Variants in ADAMTS8 observed in about 807,000 individuals in gnomAD.
ADAMTS8 encodes ADAM metallopeptidase with thrombospondin type 1 motif 8, also known as A disintegrin and metalloproteinase with thrombospondin motifs 8.
In ADAMTS8, 50 loss-of-function variants were observed where a neutral mutation model predicts 64.4. The observed-to-expected ratio is 0.78, with a 90% CI of 0.62 to 0.98. ADAMTS8 has a LOEUF of 0.98. ADAMTS8 is among the 50% of genes least tolerant of loss of function. The probability of loss-of-function intolerance (pLI) is 0.00; values close to 1 mark genes in which losing one functional copy is unlikely to be tolerated. For synonymous variants in ADAMTS8, 556 were observed against 533.6 expected, an observed-to-expected ratio of 1.04 and a Z score of -0.58; for missense variants, 1,192 against 1,208.2, an observed-to-expected ratio of 0.99 and a Z score of 0.20.
In ADAMTS8 at chr11:130,405,260, C is replaced by G. The variant is rs540996572; in HGVS notation, c.*298G>C. The G allele has an allele frequency of 7.6e-6, 9 of 1,180,960 alleles. No individual in the cohort carries two copies. In the South Asian group the frequency reaches 3.2e-4, roughly 42 times the overall value. The allele number at this position is 1,180,960 out of a possible 1,614,324, so 73.2% of individuals were successfully genotyped here. ...TGCTAGTCCTTTGCAAACAGACTGA[C>G]GCTGAGTGTCCTGTCTGAGTCAATA... On this transcript the variant is annotated 3_prime_UTR_variant, in exon 9 of 9. Transcript: ENST00000257359.
chr11:130,422,978 A>G (rs2134690456), intron 1 of ADAMTS8, among the ~76,000 whole-genome samples: 1 of 152,370 alleles, frequency 6.6e-6, no homozygotes, highest in South Asian at 2.1e-4. Context: ...TCCTCAAGAC[A>G]AGGCTAGGAC....
chr11:130,417,591 T>C (rs1484542180), intron 2 of ADAMTS8, among the ~76,000 whole-genome samples: 1 of 151,844 alleles, frequency 6.6e-6, no homozygotes, highest in Non-Finnish European at 1.5e-5. Flanking sequence ...CTGGCTATGT[T>C]GCCCAGGCTG....
Position 130,428,358 on chromosome 11 carries a change from G to A in ADAMTS8, c.-72C>T. On this transcript the variant is annotated 5_prime_UTR_variant, in exon 1 of 9. Transcript: ENST00000257359. The stretch of plus-strand genomic sequence containing the variant: ...AGGCGCGGGCAGGTGCTGGCGGCCC[G>A]AGCGCGGCCCGGCCGCTCTCTCCAG... 2.4e-6 allele frequency: 3 copies of A among 1,235,078 alleles called. No homozygotes were observed. The highest frequency in any genetic ancestry group is 3.1e-6 in the Non-Finnish European group (3 of 977,644). The allele number at this position is 1,235,078 out of a possible 1,614,324, so 76.5% of individuals were successfully genotyped here.
chr11:130,423,833 G>A (rs927074472), intron 1 of ADAMTS8, among the ~76,000 whole-genome samples: 3 of 152,216 alleles, frequency 2.0e-5, no homozygotes, highest in African/African-American at 4.8e-5. Context: ...GCAGCTGGAC[G>A]TAGACAGAGC....
At position 130,419,118 on chromosome 11, in the gene ADAMTS8, G is replaced by A. The variant is rs771957682; in HGVS notation, c.895C>T (p.Arg299Cys). Residue 299 changes from arginine to cysteine, a missense_variant, in exon 2 of 9, where the codon CGT (arginine) becomes TGT (cysteine). Physicochemically the swap from Arg to Cys is radical, Grantham distance 180. Coordinates refer to ENST00000257359, the MANE Select transcript of ADAMTS8 (RefSeq NM_007037.6). ...TLRNFCNWQR[R>C]FNQPSDRHPE... ...TGGCGGTCGCTGGGCTGGTTGAAACGCCGCTGCCAGTTGCAGAAGTTACGC... is the reference window on the plus strand; with the variant it reads ...TGGCGGTCGCTGGGCTGGTTGAAACACCGCTGCCAGTTGCAGAAGTTACGC... 4.1e-5 allele frequency: 66 copies of A among 1,614,068 alleles called. No individual in the cohort carries two copies. Among genetic ancestry groups the A allele is most frequent in the Middle Eastern group, 1.6e-4 (1 of 6,084 alleles).
At chr11:130,414,122 C>CTTTTT (rs143297278) in intron 5 of ADAMTS8, among the ~76,000 whole-genome samples, 17 of 129,748 alleles carry the variant, frequency 1.3e-4, no homozygotes, top group East Asian at 2.2e-4. Flanking sequence ...AGTTTCTTTT[C>CTTTTT]TTTTTTTTTT....
Position 130,428,122 on chromosome 11 carries a change from G to A in ADAMTS8, c.165C>T (p.Leu55=). The change falls in exon 1 of 9, where the codon CTC becomes CTT. Residue 55 remains leucine, a synonymous_variant. Coordinates refer to ENST00000257359, the MANE Select transcript of ADAMTS8 (RefSeq NM_007037.6). The part of the protein sequence containing the change: ...RLPGSAGELA[L]HLSAFGKGFV... ...AGCCCTTGCCGAAGGCGGACAGGTG[G>A]AGCGCGAGCTCGCCCGCGCTGCCGG... 6.6e-7 allele frequency: 1 copy of A among 1,514,384 alleles called. No individual in the cohort carries two copies. Among genetic ancestry groups the A allele is most frequent in the Non-Finnish European group, 8.8e-7 (1 of 1,140,614 alleles). 93.8% of individuals were successfully genotyped at this position (1,514,384 alleles called of 1,614,324 possible).
At position 130,417,159 on chromosome 11, in the gene ADAMTS8, G is replaced by A. The variant is rs1282295875; in HGVS notation, c.961-84C>T. The A allele has an allele frequency of 7.0e-6, 11 of 1,573,048 alleles. No homozygotes were observed. The Admixed American group carries it at 8.4e-5, about 12-fold the overall frequency. On this transcript the variant is annotated intron_variant, in intron 2 of 8. Coordinates refer to ENST00000257359, the MANE Select transcript of ADAMTS8 (RefSeq NM_007037.6). ...GCCTGCAGGGCCGGGTGTGGCCAGCGTGCACGTGGGAGTGGACCACTGAGC... is the reference window on the plus strand; with the variant it reads ...GCCTGCAGGGCCGGGTGTGGCCAGCATGCACGTGGGAGTGGACCACTGAGC...
chr11:130,408,337 G>C, intron 8 of ADAMTS8, 127 bp downstream of exon 8: 1 of 1,147,890 alleles, frequency 8.7e-7, no homozygotes, highest in Non-Finnish European at 1.2e-6. Context: ...AGCTCGGAGA[G>C]TTTAAATAAC....
In ADAMTS8 at chr11:130,409,146, C is replaced by T. The variant is rs7950117; in HGVS notation, c.1751-206G>A. Among the ~76,000 whole-genome samples the T allele has an allele frequency of 4.6e-4, 70 of 152,260 alleles. 4 individuals are homozygous for T. In the South Asian group the frequency reaches 0.013, roughly 28 times the overall value. ...AAGGGCAAGGAAAGGAGCCTCCAGC[C>T]GCATGCTGGGCTTTCTAGGATAAAT... On this transcript the variant is annotated intron_variant, in intron 6 of 8. Transcript: ENST00000257359.
rs1188714007 is a variant in ADAMTS8, at chr11:130,428,104, G to T, written c.183C>A (p.Gly61=). 1 of 1,532,520 alleles carries T rather than the reference G, an allele frequency of 6.5e-7. No individual in the cohort carries two copies. Among genetic ancestry groups the T allele is most frequent in the Admixed American group, 1.9e-5 (1 of 51,880 alleles). 94.9% of individuals were successfully genotyped at this position (1,532,520 alleles called of 1,614,324 possible). ...GCGCCAGGCGCAGCACGAAGCCCTTGCCGAAGGCGGACAGGTGGAGCGCGA... is the reference window on the plus strand; with the variant it reads ...GCGCCAGGCGCAGCACGAAGCCCTTTCCGAAGGCGGACAGGTGGAGCGCGA... The part of the protein sequence containing the change: ...GELALHLSAF[G]KGFVLRLAPD... Residue 61 remains glycine, a synonymous_variant, in exon 1 of 9, where the codon GGC becomes GGA. Transcript: ENST00000257359.
chr11:130,423,190 C>T (rs1329487546), intron 1 of ADAMTS8, among the ~76,000 whole-genome samples: 1 of 152,264 alleles, frequency 6.6e-6, no homozygotes, highest in Non-Finnish European at 1.5e-5. Flanking sequence ...GTCCGCCTGT[C>T]ATTGCCTATG....
chr11:130,425,920 G>A (rs1368121856), intron 1 of ADAMTS8, among the ~76,000 whole-genome samples: 2 of 152,056 alleles, frequency 1.3e-5, no homozygotes, highest in Non-Finnish European at 2.9e-5. Context: ...TCTTTCTGGT[G>A]GAGCCCCCTA....
In ADAMTS8 at chr11:130,428,271, C is replaced by CG; in HGVS notation, c.15dup (p.Ala6ArgfsTer194). On this transcript the variant is annotated frameshift_variant, in exon 1 of 9. Transcript: ENST00000257359. LOFTEE classifies it high-confidence loss of function. ...AGGAGCGGAGGCCACCGGGGGGCGG[C>CG]GGGGGCGGGGAGCATGGGGGCTGCG... is the stretch of plus-strand genomic sequence containing the variant. 2 of 1,193,000 alleles carry CG rather than the reference C, an allele frequency of 1.7e-6. No homozygotes were observed. The highest frequency in any genetic ancestry group is 2.1e-6 in the Non-Finnish European group (2 of 966,366). 73.9% of individuals were successfully genotyped at this position (1,193,000 alleles called of 1,614,324 possible).
Position 130,427,578 on chromosome 11 carries a change from C to T in ADAMTS8, c.709G>A (p.Ala237Thr), listed in dbSNP as rs1346574237. The T allele has an allele frequency of 1.3e-6, 2 of 1,538,922 alleles. No homozygotes were observed. The highest frequency in any genetic ancestry group is 1.7e-6 in the Non-Finnish European group (2 of 1,146,862). Reference sequence around the variant, plus strand: ...GCTCTCAGTCCTACCTGCAGGTCGGCCCCGTAGAAGGCAGCCATGGACGCA... The same window carrying T: ...GCTCTCAGTCCTACCTGCAGGTCGGTCCCGTAGAAGGCAGCCATGGACGCA... The part of the protein sequence containing the change: ...ADASMAAFYG[A>T]DLQNHILTLM... Residue 237 changes from alanine to threonine, a missense_variant, in exon 1 of 9, where the codon GCC (alanine) becomes ACC (threonine). Ala to Thr is a moderately conservative substitution (Grantham distance 58, BLOSUM62 0). Coordinates refer to ENST00000257359, the MANE Select transcript of ADAMTS8 (RefSeq NM_007037.6).
At position 130,428,090 on chromosome 11, in the gene ADAMTS8, AGCAC is replaced by A; in HGVS notation, c.193_196del (p.Val65CysfsTer10). ...GAAGCTGTCGTCGGGCGCCAGGCGCAGCACGAAGCCCTTGCCGAAGGCGGACAGG... is the reference window on the plus strand; with the variant it reads ...GAAGCTGTCGTCGGGCGCCAGGCGCAGAAGCCCTTGCCGAAGGCGGACAGG... On this transcript the variant is annotated frameshift_variant, in exon 1 of 9. Transcript: ENST00000257359. LOFTEE classifies it high-confidence loss of function. The A allele has an allele frequency of 2.6e-6, 4 of 1,538,460 alleles. No individual in the cohort carries two copies. Among genetic ancestry groups the A allele is most frequent in the Non-Finnish European group, 3.5e-6 (4 of 1,151,714 alleles).
In ADAMTS8 at chr11:130,427,680, G is replaced by A. The variant is rs762292543; in HGVS notation, c.607C>T (p.Pro203Ser). ...GTCCTACTCGTGGCCCCCAGGGGCG[G>A]TGGCGGCTCGCTAGCGCCTTCTGCC... ...EEAEGASEPP[P>S]PLGATSRTKR... Residue 203 changes from proline (P) to serine (S), a missense_variant, in exon 1 of 9, where the codon CCG (proline) becomes TCG (serine). Around this residue, in one of 5 missense-constraint regions of ADAMTS8, gnomAD observed 741 missense variants for 710.6 expected, o/e 1.04. Transcript: ENST00000257359. The A allele has an allele frequency of 1.3e-5, 21 of 1,596,082 alleles. No homozygotes were observed. The highest frequency in any genetic ancestry group is 1.6e-4 in the Middle Eastern group (1 of 6,066).
chr11:130,415,603 CTTTTTTTTTT>C (rs386375276), intron 4 of ADAMTS8, among the ~76,000 whole-genome samples: 1 of 104,802 alleles, frequency 9.5e-6, no homozygotes, highest in African/African-American at 3.6e-5. Flanking sequence ...GCACCTGGCC[CTTTTTTTTTT>C]TTTTTTTTTT....
intron 1 of ADAMTS8, among the ~76,000 whole-genome samples, chr11:130,420,372 C>CT (rs1490121556): frequency 6.6e-6 from 1 of 152,208 alleles, no homozygotes; most frequent in African/African-American, 2.4e-5. Context: ...GGAACTCGCT[C>CT]TCCTGCCTCA....
Sources: gnomAD v4.1 joint callset for allele counts (sites outside exome capture counted in the v4.1 genomes callset) on GRCh38, gnomAD v4.1.1 for gene constraint, gnomAD v4.1.1 regional missense constraint, MANE v1.5 for transcripts, NCBI Gene and HGNC (gene_info 2026-07-23, HGNC 2026-07-21) for gene names.